The following SREK1 variants were observed in gnomAD, a reference collection of about 807,000 sequenced individuals.
The protein encoded by SREK1 is splicing regulatory glutamic acid and lysine rich protein 1.
Under a neutral mutation model 66.5 loss-of-function variants are expected in SREK1, and 13 were observed. The observed-to-expected ratio is 0.20, with a 90% confidence interval of 0.13 to 0.31. The LOEUF is 0.31. Ranked by LOEUF, SREK1 falls within the 10% of genes least tolerant of loss-of-function variation. SREK1 has a pLI of 1.00. For synonymous variants in SREK1, 265 were observed against 263.5 expected (o/e 1.01, Z -0.05); for missense variants, 607 against 769.6 (o/e 0.79, Z 2.50).
At chr5:66,178,242 C>T (rs948399617) in intron 11 of SREK1, among the ~76,000 whole-genome samples, 9 of 151,988 alleles carry the variant, frequency 5.9e-5, no homozygotes, top group Admixed American at 2.6e-4. Context: ...ATTTATTAAG[C>T]ATTTACGATG....
At chr5:66,164,366 T>C (rs1479254582) in intron 6 of SREK1, 3 of 339,640 alleles carry the variant, frequency 8.8e-6, no homozygotes, top group Admixed American at 4.4e-5. Flanking sequence ...ATTTAAACTT[T>C]TGTGTTGCTA....
chr5:66,174,341 G>A (rs564241060), intron 9 of SREK1, among the ~76,000 whole-genome samples: 1 of 149,264 alleles, frequency 6.7e-6, no homozygotes, highest in African/African-American at 2.6e-5. Flanking sequence ...TAAGCAACTT[G>A]TACACTAAAT....
chr5:66,144,340 C>A lies in SREK1; in HGVS notation c.-37C>A. The A allele has an allele frequency of 6.7e-7, 1 of 1,483,890 alleles. No individual in the cohort carries two copies. Among genetic ancestry groups the A allele is most frequent in the Non-Finnish European group, 9.1e-7 (1 of 1,094,398 alleles). The allele number at this position is 1,483,890 out of a possible 1,614,324, so 91.9% of individuals were successfully genotyped here. A position where few individuals can be genotyped will look rare whatever the true frequency, so the allele number is the denominator to read the frequency against. ...GGCTCCGTCGCTGACGCGTCGTAGA[C>A]GTTGGGGAGCGGGAAGGCAACGGCA... On this transcript the variant is annotated 5_prime_UTR_variant, in exon 1 of 12. Transcript: ENST00000334121.
chr5:66,145,094 T>C, intron 1 of SREK1: 4 of 985,758 alleles, frequency 4.1e-6, no homozygotes, highest in Non-Finnish European at 4.8e-6. Flanking sequence ...CGCATCCATG[T>C]TCCCAAAGAT....
chr5:66,153,890 A>G (rs1744062752), intron 2 of SREK1: 2 of 311,466 alleles, frequency 6.4e-6, no homozygotes, highest in East Asian at 1.7e-4. Context: ...AATAATTGAT[A>G]TGGGAAATTA....
At chr5:66,145,568 A>G (rs183821812) in intron 1 of SREK1, among the ~76,000 whole-genome samples, 8 of 152,214 alleles carry the variant, frequency 5.3e-5, no homozygotes, top group East Asian at 3.9e-4. Context: ...GCATAACTAT[A>G]TAAAAGTTGT....
chr5:66,153,692 G>GGT, intron 2 of SREK1, 96 bp downstream of exon 2: 9 of 1,481,344 alleles, frequency 6.1e-6, no homozygotes, highest in African/African-American at 1.4e-5. Context: ...CAGTACTCTT[G>GGT]GTGTGTGTGT....
chr5:66,152,397 T>C (rs1743925157), intron 1 of SREK1, among the ~76,000 whole-genome samples: 1 of 152,116 alleles, frequency 6.6e-6, no homozygotes, highest in African/African-American at 2.4e-5. Flanking sequence ...GTTTGTGGAA[T>C]TGCTAATTTA....
chr5:66,166,318 A>G (rs1243635303), intron 7 of SREK1: 1 of 152,214 alleles, frequency 6.6e-6, no homozygotes, highest in Non-Finnish European at 1.5e-5. Context: ...AGAGAGAGCT[A>G]ATGTCCAAGA....
intron 1 of SREK1, among the ~76,000 whole-genome samples, chr5:66,151,484 T>C (rs995002195): frequency 4.6e-5 from 7 of 152,166 alleles, no homozygotes; most frequent in Non-Finnish European, 7.4e-5. Context: ...ACTTGGGTAG[T>C]ATGATATCTT....
intron 7 of SREK1, chr5:66,165,983 C>T (rs537309373): frequency 6.6e-6 from 1 of 152,300 alleles, no homozygotes; most frequent in African/African-American, 2.4e-5. Flanking sequence ...CTAGTGTATA[C>T]TTGTCTATTC....
chr5:66,180,733 C>T lies in SREK1; in HGVS notation c.*1865C>T, dbSNP rs1005735934. 1.3e-5 allele frequency: 2 copies of T among 152,516 alleles called. No individual in the cohort carries two copies. The highest frequency in any genetic ancestry group is 2.9e-5 in the Non-Finnish European group (2 of 68,024). The allele number at this position is 152,516 out of a possible 1,614,324, so 9.4% of individuals were successfully genotyped here. A position where few individuals can be genotyped will look rare whatever the true frequency, so the allele number is the denominator to read the frequency against. On this transcript the variant is annotated 3_prime_UTR_variant, in exon 12 of 12. Transcript: ENST00000334121. ...GGCTGGTAAACAGCTTATTCTGATA[C>T]AAGAATGCTTGGGTGCATATGGAAA...
chr5:66,149,825 G>A (rs574478640), intron 1 of SREK1, among the ~76,000 whole-genome samples: 1 of 152,248 alleles, frequency 6.6e-6, no homozygotes, highest in Non-Finnish European at 1.5e-5. Flanking sequence ...ACATCGAGAA[G>A]AGACATTATT....
At chr5:66,156,767 G>C in intron 2 of SREK1, 3 of 985,312 alleles carry the variant, frequency 3.0e-6, no homozygotes, top group Non-Finnish European at 3.6e-6. Context: ...GACTTATGAA[G>C]ACTTTTTGTT....
intron 6 of SREK1, chr5:66,164,339 A>C: frequency 3.4e-6 from 1 of 295,460 alleles, no homozygotes; most frequent in Non-Finnish European, 6.6e-6. Context: ...GTATTTTAGT[A>C]AGGTAAAAGA....
chr5:66,164,417 G>A, intron 6 of SREK1: 1 of 434,130 alleles, frequency 2.3e-6, no homozygotes, highest in East Asian at 6.8e-5. Context: ...ACATCTAGGT[G>A]GTTTACATTT....
intron 2 of SREK1, chr5:66,156,033 G>A (rs1744257483): frequency 1.3e-6 from 2 of 1,533,366 alleles, no homozygotes; most frequent in Non-Finnish European, 1.7e-6. Context: ...GGTTTTGTAT[G>A]TTTTCTCTAT....
intron 9 of SREK1, among the ~76,000 whole-genome samples, chr5:66,173,696 G>C (rs887047033): frequency 6.6e-6 from 1 of 152,146 alleles, no homozygotes; most frequent in Admixed American, 6.5e-5. Context: ...ATAAGTAAAA[G>C]AATTACACTG....
At chr5:66,169,946 G>T (rs1205769851) in intron 7 of SREK1, 105 bp from the exon 8 acceptor site, 7 of 925,718 alleles carry the variant, frequency 7.6e-6, no homozygotes, top group Non-Finnish European at 1.0e-5. Context: ...TTATTTAAGA[G>T]AAATTTTTAA....
Sources: gnomAD v4.1 joint callset for allele counts (sites outside exome capture counted in the v4.1 genomes callset) on GRCh38, gnomAD v4.1.1 for gene constraint, MANE v1.5 for transcripts, NCBI Gene and HGNC (gene_info 2026-07-23, HGNC 2026-07-21) for gene names.